PHF14: variants seen among roughly 807,000 people sequenced by gnomAD.
PHF14 encodes the protein PHD finger protein 14.
A neutral mutation model predicts 117.9 loss-of-function variants in PHF14; 55 were observed. That is an observed-to-expected ratio of 0.47 (90% CI 0.38 to 0.58). PHF14 has a LOEUF of 0.58. Ranked by LOEUF, PHF14 falls within the 20% of genes least tolerant of loss-of-function variation. The probability of loss-of-function intolerance (pLI) is 0.00; values close to 1 mark genes in which losing one functional copy is unlikely to be tolerated. For synonymous variants in PHF14, 409 were observed against 368.6 expected (o/e 1.11, Z -1.26); for missense variants, 978 against 1,122.2 (o/e 0.87, Z 1.84).
At chr7:11,089,330 A>G (rs1158861668) in intron 16 of PHF14, among the ~76,000 whole-genome samples, 1 of 152,216 alleles carries the variant, frequency 6.6e-6, no homozygotes, top group Admixed American at 6.5e-5. Context: ...CAAACAATTC[A>G]TTGACTTTTA....
intron 16 of PHF14, among the ~76,000 whole-genome samples, chr7:11,097,090 G>A (rs1465455455): frequency 1.4e-5 from 2 of 147,080 alleles, no homozygotes; most frequent in South Asian, 2.1e-4. Flanking sequence ...GGTGATTCTC[G>A]TGCCTCAGCC....
intron 17 of PHF14, among the ~76,000 whole-genome samples, chr7:11,151,832 A>G (rs1318175466): frequency 6.6e-6 from 1 of 152,166 alleles, no homozygotes; most frequent in Non-Finnish European, 1.5e-5. Flanking sequence ...AAGCCACTAT[A>G]TGAGTGTATT....
At chr7:10,981,256 C>A (rs1310561994) in intron 2 of PHF14, among the ~76,000 whole-genome samples, 1 of 152,020 alleles carries the variant, frequency 6.6e-6, no homozygotes, top group African/African-American at 2.4e-5. Context: ...TTATCATTAC[C>A]TTTTTCTTGG....
chr7:11,060,408 A>T (rs1410324082), intron 14 of PHF14, among the ~76,000 whole-genome samples: 1 of 152,244 alleles, frequency 6.6e-6, no homozygotes, highest in Non-Finnish European at 1.5e-5. Flanking sequence ...AGTGGCACAG[A>T]AGGAAAAGAG....
chr7:11,038,415 A>G (rs1157740197), intron 10 of PHF14, among the ~76,000 whole-genome samples: 3 of 143,250 alleles, frequency 2.1e-5, no homozygotes, highest in Non-Finnish European at 3.0e-5. Context: ...TGGGCGACAG[A>G]GTGAGACTCC....
At chr7:11,139,489 A>T (rs1429700049) in intron 17 of PHF14, among the ~76,000 whole-genome samples, 1 of 152,200 alleles carries the variant, frequency 6.6e-6, no homozygotes, top group African/African-American at 2.4e-5. Context: ...AGCCTAATGG[A>T]GTTAACTAAT....
At chr7:11,061,883 G>T in intron 15 of PHF14, 42 bp downstream of exon 15, 1 of 1,518,974 alleles carries the variant, frequency 6.6e-7, no homozygotes, top group African/African-American at 1.4e-5. Flanking sequence ...TTAACTTTGA[G>T]AAATTTTCTT....
chr7:11,152,408 C>T (rs1212794720), intron 17 of PHF14, among the ~76,000 whole-genome samples: 1 of 151,994 alleles, frequency 6.6e-6, no homozygotes, highest in African/African-American at 2.4e-5. Context: ...ATTTATCTTG[C>T]CTGGCTTTTG....
intron 17 of PHF14, among the ~76,000 whole-genome samples, chr7:11,122,352 T>TACACACACACACACACACACAC (rs747467173): frequency 3.0e-5 from 2 of 65,854 alleles, no homozygotes; most frequent in African/African-American, 7.3e-5. Flanking sequence ...TATATATATA[T>TACACACACACACACACACACAC]ACACACACAC....
rs1781781620 is a variant in PHF14 at position 10,974,192 on chromosome 7, C to G, written c.-132C>G. The G allele has an allele frequency of 1.3e-6, 1 of 792,860 alleles. No individual in the cohort carries two copies. Among genetic ancestry groups the G allele is most frequent in the Non-Finnish European group, 2.1e-6 (1 of 474,184 alleles). 49.1% of individuals were successfully genotyped at this position (792,860 alleles called of 1,614,324 possible). A position where few individuals can be genotyped will look rare whatever the true frequency, so the allele number is the denominator to read the frequency against. ...TACTCTTGGGAGCGCCCCTGTCCGG[C>G]TGGCTGCGCGCCGGTTTTAAATAGC... On this transcript the variant is annotated 5_prime_UTR_variant, in exon 1 of 18. Transcript: ENST00000634607.
At chr7:11,103,093 T>C (rs1232834922) in intron 16 of PHF14, 2 of 969,936 alleles carry the variant, frequency 2.1e-6, no homozygotes, top group Non-Finnish European at 2.5e-6. Context: ...TAGACTCATA[T>C]TAAATGTTAT....
chr7:11,111,624 CT>C (rs960657926), intron 17 of PHF14, among the ~76,000 whole-genome samples, 157 bp downstream of exon 17: 1 of 151,984 alleles, frequency 6.6e-6, no homozygotes, highest in African/African-American at 2.4e-5. Context: ...TATTTTCTTG[CT>C]CTTAAATTAA....
chr7:11,149,945 A>C (rs1377687814), intron 17 of PHF14, among the ~76,000 whole-genome samples: 1 of 152,050 alleles, frequency 6.6e-6, no homozygotes, highest in Admixed American at 6.6e-5. Context: ...ATAGTGATAT[A>C]TTTACTTTTA....
rs1246566853 is a variant in PHF14 at position 10,974,258 on chromosome 7, G to T, written c.-66G>T. 5 of 1,465,280 alleles carry T rather than the reference G, an allele frequency of 3.4e-6. No individual in the cohort carries two copies. In the East Asian group the frequency reaches 9.7e-5, roughly 28 times the overall value. 90.8% of individuals were successfully genotyped at this position (1,465,280 alleles called of 1,614,324 possible). A position where few individuals can be genotyped will look rare whatever the true frequency, so the allele number is the denominator to read the frequency against. ...CTTCGCGGCCCCAGTCCCCGACCTC[G>T]GCGCTGCCTGGGCTCCTGCAGCCTC... is the stretch of plus-strand genomic sequence containing the variant. On this transcript the variant is annotated 5_prime_UTR_variant, in exon 1 of 18. Transcript: ENST00000634607.
At chr7:11,090,413 A>G (rs1732727773) in intron 16 of PHF14, among the ~76,000 whole-genome samples, 1 of 152,246 alleles carries the variant, frequency 6.6e-6, no homozygotes, top group African/African-American at 2.4e-5. Context: ...AACTTTCCTT[A>G]TAAGTGACTG....
At chr7:10,987,082 A>G (rs915116181) in intron 3 of PHF14, among the ~76,000 whole-genome samples, 12 of 152,338 alleles carry the variant, frequency 7.9e-5, no homozygotes, top group Admixed American at 4.6e-4. Context: ...ATGTTTTGCC[A>G]AAATTTATAA....
chr7:11,039,732 C>T (rs929160205), intron 11 of PHF14, among the ~76,000 whole-genome samples: 18 of 152,018 alleles, frequency 1.2e-4, no homozygotes, highest in Non-Finnish European at 2.1e-4. Flanking sequence ...TGTGCTATAC[C>T]AGCTTTGAAG....
intron 16 of PHF14, chr7:11,109,224 A>G (rs1415146522): frequency 2.0e-5 from 3 of 151,754 alleles, no homozygotes; most frequent in African/African-American, 4.8e-5. Flanking sequence ...CACCGAAAAT[A>G]TCAGGAAGCA....
intron 17 of PHF14, among the ~76,000 whole-genome samples, chr7:11,123,014 CT>C (rs1260570485): frequency 6.6e-6 from 1 of 152,276 alleles, no homozygotes; most frequent in East Asian, 1.9e-4. Context: ...AAAAATACTT[CT>C]TTCTCGCCTT....
Sources: gnomAD v4.1 joint callset for allele counts (sites outside exome capture counted in the v4.1 genomes callset) on GRCh38, gnomAD v4.1.1 for gene constraint, MANE v1.5 for transcripts, NCBI Gene and HGNC (gene_info 2026-07-23, HGNC 2026-07-21) for gene names.